The following CYLD variants were observed in gnomAD, a reference collection of about 807,000 sequenced individuals.
CYLD encodes ubiquitin carboxyl-terminal hydrolase CYLD.
In CYLD, 26 loss-of-function variants were observed where a neutral mutation model predicts 104.5. The observed-to-expected ratio is 0.25, with a 90% CI of 0.18 to 0.35. The LOEUF (loss-of-function observed/expected upper bound fraction) is 0.35, where lower values mean the gene tolerates loss of function less well. CYLD is among the 10% of genes least tolerant of loss of function. The pLI is 1.00. For missense variants in CYLD, 703 were observed against 1,136.1 expected, an observed-to-expected ratio of 0.62 and a Z score of 5.48; for synonymous variants, 385 against 399.9, an observed-to-expected ratio of 0.96 and a Z score of 0.45.
intron 10 of CYLD, among the ~76,000 whole-genome samples, chr16:50,781,643 G>A (rs1970224373): frequency 6.6e-6 from 1 of 152,040 alleles, no homozygotes; most frequent in Non-Finnish European, 1.5e-5. Context: ...ATAATAGTGT[G>A]GTTTGTTTTT....
intron 2 of CYLD, among the ~76,000 whole-genome samples, chr16:50,743,748 G>A (rs952717831): frequency 6.6e-6 from 1 of 152,186 alleles, no homozygotes; most frequent in Non-Finnish European, 1.5e-5. Flanking sequence ...AGTTGAGGCT[G>A]TAGGAAGCTA....
chr16:50,765,831 C>T (rs1400974519), intron 5 of CYLD, among the ~76,000 whole-genome samples: 1 of 107,316 alleles, frequency 9.3e-6, no homozygotes, highest in Non-Finnish European at 1.9e-5. Flanking sequence ...CAGAGCAAGG[C>T]CCTAACTCTC....
At chr16:50,750,310 C>T in intron 3 of CYLD, 108 bp downstream of exon 3, 3 of 1,271,444 alleles carry the variant, frequency 2.4e-6, no homozygotes, top group Non-Finnish European at 2.3e-6. Context: ...TAAATTTTCC[C>T]AAGAGTCTTC....
At chr16:50,754,962 T>C (rs572059992) in intron 5 of CYLD, among the ~76,000 whole-genome samples, 19 of 145,126 alleles carry the variant, frequency 1.3e-4, no homozygotes, top group East Asian at 1.0e-3. Flanking sequence ...TATATACATA[T>C]ACACACATAT....
chr16:50,742,618 C>T (rs1429744298), intron 1 of CYLD, 144 bp from the exon 2 acceptor site: 1 of 343,672 alleles, frequency 2.9e-6, no homozygotes, highest in Admixed American at 4.8e-5. Flanking sequence ...CACGGTTGGC[C>T]TCAGGAGCCC....
At chr16:50,780,882 T>C (rs1970158760) in intron 9 of CYLD, among the ~76,000 whole-genome samples, 1 of 152,012 alleles carries the variant, frequency 6.6e-6, no homozygotes, top group South Asian at 2.1e-4. Context: ...TACTATCTTA[T>C]GGGGCATGGT....
At chr16:50,769,220 A>G (rs988350015) in intron 5 of CYLD, among the ~76,000 whole-genome samples, 2 of 152,174 alleles carry the variant, frequency 1.3e-5, no homozygotes, top group African/African-American at 4.8e-5. Flanking sequence ...AATGGCTGGT[A>G]ATATCATAGG....
chr16:50,794,080 A>T lies in CYLD; in HGVS notation c.2470-132A>T. 1 of 804,442 alleles carries T rather than the reference A, an allele frequency of 1.2e-6. No individual in the cohort carries two copies. The highest frequency in any genetic ancestry group is 2.1e-6 in the Non-Finnish European group (1 of 482,610). The allele number at this position is 804,442 out of a possible 1,614,324, so 49.8% of individuals were successfully genotyped here. On this transcript the variant is annotated intron_variant, in intron 17 of 18. Transcript: ENST00000427738. This position sits in a 1 kb window ranked among gnomAD's most constrained non-coding sequence, Gnocchi z 4.1. ...GTAGCTGGGACTGCAGGCGCCTGCC[A>T]CCACGCCCAGCTAATTTTTGTATTT...
chr16:50,749,697 C>T lies in CYLD; in HGVS notation c.-2C>T. The T allele has an allele frequency of 1.9e-6, 3 of 1,613,338 alleles. No individual in the cohort carries two copies. Among genetic ancestry groups the T allele is most frequent in the Non-Finnish European group, 2.5e-6 (3 of 1,179,878 alleles). On this transcript the variant is annotated 5_prime_UTR_variant, in exon 3 of 19. Coordinates refer to ENST00000427738, the MANE Select transcript of CYLD (RefSeq NM_001378743.1). Reference sequence around the variant, plus strand: ...AATTAGTATTTTGAAGTTAATATCACAATGAGTTCAGGCTTATGGAGCCAA... The same window carrying T: ...AATTAGTATTTTGAAGTTAATATCATAATGAGTTCAGGCTTATGGAGCCAA...
chr16:50,793,905 T>C (rs1971690659), intron 17 of CYLD, among the ~76,000 whole-genome samples: 1 of 151,004 alleles, frequency 6.6e-6, no homozygotes, highest in Non-Finnish European at 1.5e-5. Flanking sequence ...ACATTGAGTT[T>C]CTCTCATTAA....
chr16:50,770,000 C>A (rs1968970124), intron 5 of CYLD, among the ~76,000 whole-genome samples: 1 of 152,014 alleles, frequency 6.6e-6, no homozygotes, highest in African/African-American at 2.4e-5. Context: ...CCTGTTTATT[C>A]CTGAGTAATA....
chr16:50,745,212 C>T (rs1966071774), intron 2 of CYLD, among the ~76,000 whole-genome samples: 1 of 152,126 alleles, frequency 6.6e-6, no homozygotes, highest in Admixed American at 6.5e-5. Flanking sequence ...CCCCTCACCC[C>T]CACCTGCCCT....
At chr16:50,775,870 G>A (rs771153227) in intron 6 of CYLD, among the ~76,000 whole-genome samples, 4 of 152,158 alleles carry the variant, frequency 2.6e-5, no homozygotes, top group Non-Finnish European at 4.4e-5. Context: ...GATTTTCTTT[G>A]TAGTGTTTTA....
intron 2 of CYLD, among the ~76,000 whole-genome samples, chr16:50,743,284 C>T (rs1021816865): frequency 6.6e-6 from 1 of 152,266 alleles, no homozygotes; most frequent in Middle Eastern, 3.4e-3. Flanking sequence ...TTCTACACAC[C>T]CCCTCACGCC....
rs560055401 is a variant in CYLD at position 50,761,331 on chromosome 16, A to G, written c.913+6907A>G. Among the ~76,000 whole-genome samples the G allele has an allele frequency of 2.6e-5, 4 of 152,324 alleles. No individual in the cohort carries two copies. The South Asian group carries it at 6.2e-4, about 24-fold the overall frequency. On this transcript the variant is annotated intron_variant, in intron 5 of 18. Coordinates refer to ENST00000427738, the MANE Select transcript of CYLD (RefSeq NM_001378743.1). The stretch of plus-strand genomic sequence containing the variant: ...GGATGTACCATTTTAACAATTTTTA[A>G]GTGTATAATTCAGTGTAAGTATGTT...
chr16:50,774,122 T>G (rs116522926), intron 5 of CYLD, among the ~76,000 whole-genome samples: 3,198 of 152,330 alleles, frequency 0.021, 95 homozygotes, highest in African/African-American at 0.073. Flanking sequence ...ATCTATATCG[T>G]GGTATACATG....
At chr16:50,757,791 C>G (rs1261743625) in intron 5 of CYLD, among the ~76,000 whole-genome samples, 4 of 152,214 alleles carry the variant, frequency 2.6e-5, no homozygotes, top group Non-Finnish European at 4.4e-5. Context: ...CCGCCTCGGC[C>G]TCCCAAAGTG....
rs544864659 is a variant in CYLD, at chr16:50,801,844, T to G, written c.*5336T>G. ...GCTCGCTCTGATTTAGCCTTAATTT[T>G]GTTAAATTTTTTAGAGATGAATGAA... On this transcript the variant is annotated 3_prime_UTR_variant, in exon 19 of 19. Coordinates refer to ENST00000427738, the MANE Select transcript of CYLD (RefSeq NM_001378743.1). 4.0e-4 allele frequency: 94 copies of G among 233,172 alleles called. No homozygotes were observed. Among genetic ancestry groups the G allele is most frequent in the Middle Eastern group, 2.6e-3 (2 of 780 alleles). The allele number at this position is 233,172 out of a possible 1,614,324, so 14.4% of individuals were successfully genotyped here.
At chr16:50,758,353 G>A (rs1433930852) in intron 5 of CYLD, among the ~76,000 whole-genome samples, 1 of 152,164 alleles carries the variant, frequency 6.6e-6, no homozygotes. Flanking sequence ...AAAGTTGTAG[G>A]AGCCGCAGTG....
Sources: allele counts gnomAD v4.1 joint callset (sites outside exome capture counted in the v4.1 genomes callset), GRCh38; gene constraint gnomAD v4.1.1; non-coding constraint Gnocchi (gnomAD v3.1); transcripts MANE v1.5; gene names NCBI Gene and HGNC (gene_info 2026-07-23, HGNC 2026-07-21).